The following PKNOX2 variants were observed in gnomAD, a reference collection of about 807,000 sequenced individuals.
PKNOX2 encodes the protein PBX/knotted 1 homeobox 2.
A neutral mutation model predicts 53.1 loss-of-function variants in PKNOX2; 14 were observed. The observed-to-expected ratio is 0.26, with a 90% CI of 0.17 to 0.41. The LOEUF (loss-of-function observed/expected upper bound fraction) is 0.41. Ranked by LOEUF, PKNOX2 falls within the 10% of genes least tolerant of loss-of-function variation. The pLI is 1.00. For missense variants in PKNOX2, 496 were observed against 602.8 expected, an observed-to-expected ratio of 0.82 and a Z score of 1.85; for synonymous variants, 257 against 242.8, an observed-to-expected ratio of 1.06 and a Z score of -0.54.
At chr11:125,330,823 T>G (rs1302426464) in intron 2 of PKNOX2, among the ~76,000 whole-genome samples, 1 of 152,238 alleles carries the variant, frequency 6.6e-6, no homozygotes, top group African/African-American at 2.4e-5. Context: ...CCTGTTGTCA[T>G]GTCACTGGTT....
At chr11:125,187,175 A>C (rs1217914832) in intron 1 of PKNOX2, among the ~76,000 whole-genome samples, 3 of 151,968 alleles carry the variant, frequency 2.0e-5, no homozygotes, top group Non-Finnish European at 4.4e-5. Context: ...CTCTTTTTCA[A>C]GATTATTTTG....
intron 1 of PKNOX2, among the ~76,000 whole-genome samples, chr11:125,220,163 T>C (rs1424017325): frequency 3.3e-5 from 5 of 152,084 alleles, no homozygotes; most frequent in African/African-American, 1.2e-4. Flanking sequence ...AAAAAGTGTG[T>C]ATAAAAAGGG....
intron 1 of PKNOX2, among the ~76,000 whole-genome samples, chr11:125,234,734 C>G (rs1942521206): frequency 7.3e-6 from 1 of 137,516 alleles, no homozygotes; most frequent in Admixed American, 7.0e-5. Flanking sequence ...ACTTGACAAC[C>G]ATGAGGCTTT....
intron 1 of PKNOX2, chr11:125,190,983 AG>A (rs1565465581): frequency 2.0e-5 from 3 of 152,328 alleles, no homozygotes; most frequent in East Asian, 3.9e-4. Flanking sequence ...CTGTCTCCAC[AG>A]TGAAACTGCA....
intron 6 of PKNOX2, among the ~76,000 whole-genome samples, chr11:125,387,497 AC>A (rs1319958127): frequency 6.6e-6 from 1 of 151,978 alleles, no homozygotes; most frequent in Non-Finnish European, 1.5e-5. Flanking sequence ...AGCCTGGAAA[AC>A]GCCCAGGTGG....
intron 10 of PKNOX2, among the ~76,000 whole-genome samples, chr11:125,412,123 T>C (rs1268737033): frequency 6.6e-6 from 1 of 152,194 alleles, no homozygotes; most frequent in African/African-American, 2.4e-5. Context: ...TGGGGACAAG[T>C]GCATGCTCAA....
intron 2 of PKNOX2, among the ~76,000 whole-genome samples, chr11:125,291,843 A>G (rs1947325988): frequency 1.3e-5 from 2 of 152,248 alleles, no homozygotes; most frequent in Admixed American, 6.5e-5. Context: ...TTCCACTTAT[A>G]TGAAATATCT....
chr11:125,250,515 T>A (rs1189005216), intron 2 of PKNOX2, among the ~76,000 whole-genome samples: 1 of 152,146 alleles, frequency 6.6e-6, no homozygotes, highest in African/African-American at 2.4e-5. Flanking sequence ...CAAATGCTGC[T>A]GTGTTGCGGG....
At chr11:125,213,465 G>C (rs1015900593) in intron 1 of PKNOX2, among the ~76,000 whole-genome samples, 1 of 152,022 alleles carries the variant, frequency 6.6e-6, no homozygotes, top group African/African-American at 2.4e-5. Flanking sequence ...TTTTGTTGTT[G>C]TTGTTATTTG....
intron 2 of PKNOX2, among the ~76,000 whole-genome samples, chr11:125,300,556 G>A (rs576988858): frequency 2.0e-5 from 3 of 152,150 alleles, no homozygotes; most frequent in South Asian, 2.1e-4. Context: ...AGGTGTGTGC[G>A]TGCACAGAGA....
chr11:125,336,556 C>A (rs1019605527), intron 3 of PKNOX2, among the ~76,000 whole-genome samples: 3 of 148,124 alleles, frequency 2.0e-5, no homozygotes, highest in Admixed American at 6.8e-5. Context: ...TCTTCTAAAT[C>A]TTAATAATGT....
intron 1 of PKNOX2, among the ~76,000 whole-genome samples, chr11:125,230,474 G>A (rs1942112592): frequency 6.6e-6 from 1 of 152,174 alleles, no homozygotes; most frequent in South Asian, 2.1e-4. Flanking sequence ...GGTCCATCAG[G>A]TGTTTGCTCC....
intron 2 of PKNOX2, among the ~76,000 whole-genome samples, chr11:125,247,225 T>A (rs1352677126): frequency 6.6e-6 from 1 of 152,204 alleles, no homozygotes; most frequent in Non-Finnish European, 1.5e-5. Flanking sequence ...CTTATCCACA[T>A]GAGGTCCTCT....
chr11:125,304,247 C>G (rs1948271925), intron 2 of PKNOX2, among the ~76,000 whole-genome samples: 1 of 152,264 alleles, frequency 6.6e-6, no homozygotes, highest in African/African-American at 2.4e-5. Flanking sequence ...TCTCGCCCAG[C>G]TCTGGCCCTG....
At chr11:125,334,182 C>T (rs1400020362) in intron 3 of PKNOX2, among the ~76,000 whole-genome samples, 1 of 152,210 alleles carries the variant, frequency 6.6e-6, no homozygotes, top group Admixed American at 6.5e-5. Flanking sequence ...TCCCTGCACT[C>T]ATGCTAGGTC....
intron 1 of PKNOX2, among the ~76,000 whole-genome samples, chr11:125,179,519 C>G (rs893787260): frequency 1.1e-4 from 17 of 151,046 alleles, no homozygotes; most frequent in Non-Finnish European, 2.1e-4. Flanking sequence ...GAAGGCCCCC[C>G]GGCAGGGAGG....
chr11:125,358,370 A>G (rs573284681), intron 4 of PKNOX2, among the ~76,000 whole-genome samples: 1 of 152,300 alleles, frequency 6.6e-6, no homozygotes, highest in East Asian at 1.9e-4. Flanking sequence ...GAGGGAAGCG[A>G]TGGGATGGGC....
chr11:125,332,260 A>T (rs903599994), intron 3 of PKNOX2, among the ~76,000 whole-genome samples: 2 of 151,952 alleles, frequency 1.3e-5, no homozygotes, highest in African/African-American at 2.4e-5. Context: ...AGCAAACATT[A>T]TCACCCATGA....
intron 1 of PKNOX2, among the ~76,000 whole-genome samples, chr11:125,234,461 G>C (rs1942497970): frequency 6.6e-6 from 1 of 152,162 alleles, no homozygotes; most frequent in Non-Finnish European, 1.5e-5. Flanking sequence ...TTCCAGTCCT[G>C]CACCATCATT....
Sources: gnomAD v4.1 joint callset for allele counts (sites outside exome capture counted in the v4.1 genomes callset) on GRCh38, gnomAD v4.1.1 for gene constraint, MANE v1.5 for transcripts, NCBI Gene and HGNC (gene_info 2026-07-23, HGNC 2026-07-21) for gene names.